The following SMPDL3B variants were observed in gnomAD, a reference collection of about 807,000 sequenced individuals.
SMPDL3B encodes sphingomyelin phosphodiesterase acid like 3B, also known as acid sphingomyelinase-like phosphodiesterase 3b.
In SMPDL3B, 31 loss-of-function variants were observed where a neutral mutation model predicts 37.9. The observed-to-expected ratio is 0.82, with a 90% CI of 0.61 to 1.10. SMPDL3B has a LOEUF of 1.10. SMPDL3B is among the 50% of genes least tolerant of loss of function. SMPDL3B has a pLI of 0.00. For synonymous variants in SMPDL3B, 235 were observed against 242.6 expected, an observed-to-expected ratio of 0.97 and a Z score of 0.29; for missense variants, 525 against 597.8, an observed-to-expected ratio of 0.88 and a Z score of 1.27.
At chr1:27,942,451 C>A (rs1015148565) in intron 1 of SMPDL3B, 6 of 421,190 alleles carry the variant, frequency 1.4e-5, no homozygotes, top group South Asian at 1.1e-4. Context: ...CAGTTCATTC[C>A]TTTACTCTGG....
intron 1 of SMPDL3B, among the ~76,000 whole-genome samples, chr1:27,940,651 T>C (rs1292360437): frequency 6.6e-6 from 1 of 152,130 alleles, no homozygotes; most frequent in African/African-American, 2.4e-5. Flanking sequence ...ATCTTCTCAG[T>C]AATAAATGAA....
At position 27,953,297 on chromosome 1, in the gene SMPDL3B, T is replaced by G; in HGVS notation, c.456T>G (p.Asn152Lys). 6.2e-7 allele frequency: 1 copy of G among 1,613,826 alleles called. No individual in the cohort carries two copies. Among genetic ancestry groups the G allele is most frequent in the Non-Finnish European group, 8.5e-7 (1 of 1,179,794 alleles). The change falls in exon 4 of 8, where the codon AAT becomes AAG. Residue 152 changes from asparagine to lysine, a missense_variant. By Grantham distance (94) the Asn-to-Lys change is moderately conservative (BLOSUM62 0). Coordinates refer to ENST00000373894, the MANE Select transcript of SMPDL3B (RefSeq NM_014474.4). ...CAGCTGGAAGTAACAACATCTACAA[T>G]CAGATAGCAGAACTATGGAAACCCT... ...QFPAGSNNIY[N>K]QIAELWKPWL...
intron 1 of SMPDL3B, among the ~76,000 whole-genome samples, chr1:27,941,934 A>AC (rs1388173985): frequency 2.6e-5 from 4 of 152,020 alleles, no homozygotes; most frequent in African/African-American, 4.8e-5. Context: ...GCCCGCCTGG[A>AC]CCTCTGGCTC....
At chr1:27,947,687 G>A (rs1185243052) in intron 2 of SMPDL3B, among the ~76,000 whole-genome samples, 10 of 145,492 alleles carry the variant, frequency 6.9e-5, no homozygotes, top group Non-Finnish European at 1.1e-4. Context: ...TCGCTCTGTC[G>A]CCCAGGCTGG....
At chr1:27,956,315 C>A (rs939548611) in intron 7 of SMPDL3B, 1 of 1,463,234 alleles carries the variant, frequency 6.8e-7, no homozygotes, top group Non-Finnish European at 9.0e-7. Context: ...AGCTTCATAC[C>A]TGGTCTCCCT....
Position 27,958,033 on chromosome 1 carries a change from T to C in SMPDL3B, c.1006-443T>C, listed in dbSNP as rs1286170553. On this transcript the variant is annotated intron_variant, in intron 7 of 7. Coordinates refer to ENST00000373894, the MANE Select transcript of SMPDL3B (RefSeq NM_014474.4). The surrounding 1 kb of genome is among the most constrained non-coding windows in gnomAD (Gnocchi z 5.6). ...ACCCTGCAGAGTCTAGCCGTGAACA[T>C]GCACCTGGGTCCTAGGAGTCTACAG... Among the ~76,000 whole-genome samples, 1 of 152,198 alleles carries C rather than the reference T, an allele frequency of 6.6e-6. No individual in the cohort carries two copies. The highest frequency in any genetic ancestry group is 1.9e-4 in the East Asian group (1 of 5,208).
chr1:27,937,705 T>C (rs2090321442), intron 1 of SMPDL3B, among the ~76,000 whole-genome samples: 1 of 152,136 alleles, frequency 6.6e-6, no homozygotes, highest in African/African-American at 2.4e-5. Context: ...TGAGGGGCAG[T>C]GTGGCCCAGG....
chr1:27,941,764 T>C (rs1229552500), intron 1 of SMPDL3B, among the ~76,000 whole-genome samples: 3 of 152,086 alleles, frequency 2.0e-5, no homozygotes, highest in Non-Finnish European at 2.9e-5. Flanking sequence ...GGCGAGGCCA[T>C]GGCGTAGTCA....
intron 3 of SMPDL3B, among the ~76,000 whole-genome samples, chr1:27,952,305 CGGCTGTACAG>C (rs1422788934): frequency 6.6e-6 from 1 of 152,064 alleles, no homozygotes; most frequent in African/African-American, 2.4e-5. Context: ...CAGGTCTTGT[CGGCTGTACAG>C]GGCAAAGGGT....
Position 27,958,641 on chromosome 1 carries a change from C to G in SMPDL3B, c.1171C>G (p.Arg391Gly), listed in dbSNP as rs771016104. The G allele has an allele frequency of 9.3e-6, 15 of 1,613,754 alleles. No individual in the cohort carries two copies. Among genetic ancestry groups the G allele is most frequent in the African/African-American group, 1.3e-5 (1 of 74,938 alleles). ...RIAGDQSTLQ[R>G]YYVYNSVSYS... is the part of the protein sequence containing the mutation. ...CGCTGGCGACCAGAGCACACTGCAG[C>G]GCTACTACGTCTATAACTCAGTCAG... The change falls in exon 8 of 8, where the codon CGC (arginine) becomes GGC (glycine). Residue 391 changes from arginine to glycine, a missense_variant. Physicochemically the swap from Arg to Gly is moderately radical, Grantham distance 125 (BLOSUM62 -2). Transcript: ENST00000373894. This position sits in a 1 kb window ranked among gnomAD's most constrained non-coding sequence, Gnocchi z 5.6.
chr1:27,946,975 G>C (rs1300554858), intron 2 of SMPDL3B, among the ~76,000 whole-genome samples: 1 of 152,066 alleles, frequency 6.6e-6, no homozygotes, highest in Non-Finnish European at 1.5e-5. Context: ...AGAAGGGAGA[G>C]CATGTGTAGC....
intron 1 of SMPDL3B, among the ~76,000 whole-genome samples, chr1:27,942,765 G>A (rs570169419): frequency 2.6e-5 from 4 of 152,302 alleles, no homozygotes; most frequent in African/African-American, 9.6e-5. Flanking sequence ...CTGGGTTCAA[G>A]CAATTCTCCT....
At chr1:27,950,187 T>C (rs770782411) in intron 3 of SMPDL3B, among the ~76,000 whole-genome samples, 1 of 152,214 alleles carries the variant, frequency 6.6e-6, no homozygotes, top group Non-Finnish European at 1.5e-5. Context: ...GGCAAAGAGA[T>C]GCCTGGATGC....
intron 4 of SMPDL3B, 125 bp downstream of exon 4, chr1:27,953,483 G>T: frequency 2.3e-6 from 2 of 871,166 alleles, no homozygotes; most frequent in Middle Eastern, 2.3e-4. Context: ...GGAAGCCAGG[G>T]TCATACAGCT....
rs757920756 is a variant in SMPDL3B, at chr1:27,958,532, C to A, written c.1062C>A (p.Arg354=). 1.9e-6 allele frequency: 3 copies of A among 1,613,674 alleles called. No individual in the cohort carries two copies. The African/African-American group carries it at 4.0e-5, about 22-fold the overall frequency. ...LSQANAQGTP[R]WELEYQLTEA... The stretch of plus-strand genomic sequence containing the variant: ...AGGCGAATGCTCAGGGGACGCCGCG[C>A]TGGGAGCTCGAGTACCAGCTGACCG... The change falls in exon 8 of 8, where the codon CGC becomes CGA. Residue 354 remains arginine (R), a synonymous_variant. Transcript: ENST00000373894. This position sits in a 1 kb window ranked among gnomAD's most constrained non-coding sequence, Gnocchi z 5.6.
In SMPDL3B at chr1:27,957,861, G is replaced by A. The variant is rs186677449; in HGVS notation, c.1006-615G>A. 2.4e-3 allele frequency among the ~76,000 whole-genome samples: 367 copies of A among 152,314 alleles called. 1 individual carries two copies. The highest frequency in any genetic ancestry group is 4.0e-3 in the Non-Finnish European group (272 of 68,028). ...CTTCATCTGTAAAATGGGAGTAACA[G>A]AACCTCGCAGGGTTTGAGGAGGACT... On this transcript the variant is annotated intron_variant, in intron 7 of 7. Transcript: ENST00000373894.
rs529865737 is a variant in SMPDL3B, at chr1:27,954,150, C to A, written c.518-204C>A. The stretch of plus-strand genomic sequence containing the variant: ...GGTGAAGTTACTTTCCCAAGTTGCA[C>A]AGCGAATGAGTTCCAGAGCCAGGAA... On this transcript the variant is annotated intron_variant, in intron 4 of 7. Transcript: ENST00000373894. Among the ~76,000 whole-genome samples the A allele has an allele frequency of 5.3e-5, 8 of 152,348 alleles. No homozygotes were observed. In the East Asian group the frequency reaches 1.5e-3, roughly 29 times the overall value.
In SMPDL3B at chr1:27,949,155, C is replaced by G; in HGVS notation, c.366C>G (p.Val122=). The change falls in exon 3 of 8, where the codon GTC becomes GTG. Residue 122 remains valine (V), a synonymous_variant. Transcript: ENST00000373894. ...VERLTKLIRE[V]FPDTKVYAAL... ...GCCTGACCAAGCTCATCAGAGAGGT[C>G]TTTCCAGGTAAGACTGTGCCATCAG... 1 of 1,614,204 alleles carries G rather than the reference C, an allele frequency of 6.2e-7. No individual in the cohort carries two copies. Among genetic ancestry groups the G allele is most frequent in the Non-Finnish European group, 8.5e-7 (1 of 1,180,024 alleles).
Position 27,954,404 on chromosome 1 carries a change from G to T in SMPDL3B, c.568G>T (p.Val190Leu). 2.5e-6 allele frequency: 4 copies of T among 1,614,090 alleles called. 1 individual carries two copies. The South Asian group carries it at 4.4e-5, about 18-fold the overall frequency. Reference protein sequence around the residue: ...LPGPSGAGRIVVLNTNLYYTS... With the variant: ...LPGPSGAGRILVLNTNLYYTS... ...GGGTCCCAGCGGGGCTGGGCGAATT[G>T]TGGTCCTCAACACCAATCTGTACTA... Residue 190 changes from valine to leucine, a missense_variant, in exon 5 of 8, where the codon GTG becomes TTG. By Grantham distance (32) the Val-to-Leu change is conservative (BLOSUM62 1). Coordinates refer to ENST00000373894, the MANE Select transcript of SMPDL3B (RefSeq NM_014474.4).
Sources: allele counts gnomAD v4.1 joint callset (sites outside exome capture counted in the v4.1 genomes callset), GRCh38; gene constraint gnomAD v4.1.1; non-coding constraint Gnocchi (gnomAD v3.1); transcripts MANE v1.5; gene names NCBI Gene and HGNC (gene_info 2026-07-23, HGNC 2026-07-21).